CD2AP: variants seen among roughly 807,000 people sequenced by gnomAD.
CD2AP encodes CD2-associated protein.
Under a neutral mutation model 85.1 loss-of-function variants are expected in CD2AP, and 46 were observed. The ratio of observed to expected loss-of-function variants is 0.54; its 90% CI spans 0.43 to 0.69. CD2AP has a LOEUF of 0.69. Ranked by LOEUF, CD2AP falls within the 30% of genes least tolerant of loss-of-function variation. The probability of loss-of-function intolerance (pLI) is 0.00; values close to 1 mark genes in which losing one functional copy is unlikely to be tolerated. For missense variants in CD2AP, 769 were observed against 729.5 expected, an observed-to-expected ratio of 1.05 and a Z score of -0.62; for synonymous variants, 255 against 252.9, an observed-to-expected ratio of 1.01 and a Z score of -0.08.
intron 5 of CD2AP, among the ~76,000 whole-genome samples, chr6:47,565,401 T>C (rs1387492713): frequency 6.6e-6 from 1 of 152,184 alleles, no homozygotes; most frequent in East Asian, 1.9e-4. Flanking sequence ...TTCCACTTAT[T>C]TGCTAAATAG....
rs1320473677 is a variant in CD2AP at position 47,543,728 on chromosome 6, TACC to T, written c.320-874_320-872del. On this transcript the variant is annotated intron_variant, in intron 3 of 17. Transcript: ENST00000359314. ...CCTTAGGACCTCATTTAACCCTATT[TACC>T]ACCCCCACAAAGGCACTATTGCCAG... Among the ~76,000 whole-genome samples the T allele has an allele frequency of 2.6e-5, 4 of 152,350 alleles. No homozygotes were observed. The East Asian group carries it at 7.7e-4, about 29-fold the overall frequency.
At chr6:47,491,116 A>G (rs1765719309) in intron 1 of CD2AP, among the ~76,000 whole-genome samples, 5 of 152,096 alleles carry the variant, frequency 3.3e-5, no homozygotes, top group African/African-American at 9.7e-5. Flanking sequence ...AAGCAATGCT[A>G]ATCAGTTTTG....
intron 14 of CD2AP, 22 bp downstream of exon 14, chr6:47,606,299 A>T: frequency 7.8e-7 from 1 of 1,283,514 alleles, no homozygotes; most frequent in Non-Finnish European, 1.1e-6. Flanking sequence ...TAATTGTCGT[A>T]AACTACAGTA....
chr6:47,612,164 C>T (rs188412428), intron 16 of CD2AP, among the ~76,000 whole-genome samples: 57 of 152,146 alleles, frequency 3.7e-4, no homozygotes, highest in Admixed American at 2.0e-3. Flanking sequence ...GTTTTCCAAC[C>T]TGGAAAATGT....
intron 6 of CD2AP, among the ~76,000 whole-genome samples, chr6:47,575,337 T>C (rs78398742): frequency 0.016 from 2,379 of 151,894 alleles, 42 homozygotes; most frequent in African/African-American, 0.038. Context: ...CTTCTAACTC[T>C]AAAGCTTAGG....
chr6:47,548,603 A>T (rs953183636), intron 4 of CD2AP, among the ~76,000 whole-genome samples: 1 of 152,190 alleles, frequency 6.6e-6, no homozygotes, highest in Non-Finnish European at 1.5e-5. Context: ...GACCAGACGA[A>T]TTCACACCAG....
intron 1 of CD2AP, among the ~76,000 whole-genome samples, chr6:47,487,270 A>G (rs999396437): frequency 3.3e-5 from 5 of 152,218 alleles, no homozygotes; most frequent in South Asian, 4.1e-4. Context: ...AATGGAAATA[A>G]AAGGCTGTGT....
chr6:47,599,283 GT>G lies in CD2AP; in HGVS notation c.1275-11del, dbSNP rs569215676. ...TGTTTCATACTAGTGATTTTTGCGTGTTTTTTTCTTATTTCAGGATTAATGG... is the reference window on the plus strand; with the variant it reads ...TGTTTCATACTAGTGATTTTTGCGTGTTTTTTCTTATTTCAGGATTAATGG... On this transcript the variant is annotated splice_polypyrimidine_tract_variant and intron_variant, in intron 12 of 17. Transcript: ENST00000359314. The G allele has an allele frequency of 6.8e-6, 11 of 1,608,532 alleles. No homozygotes were observed. Among genetic ancestry groups the G allele is most frequent in the Non-Finnish European group, 8.5e-6 (10 of 1,176,204 alleles).
At chr6:47,537,872 C>T (rs576479588) in intron 3 of CD2AP, among the ~76,000 whole-genome samples, 1 of 151,814 alleles carries the variant, frequency 6.6e-6, no homozygotes, top group Admixed American at 6.6e-5. Context: ...GCCTCAGCCT[C>T]CCCAGTAGCT....
intron 11 of CD2AP, among the ~76,000 whole-genome samples, chr6:47,589,581 T>TATATATATA (rs1562046500): frequency 2.0e-5 from 3 of 148,560 alleles, no homozygotes; most frequent in African/African-American, 4.9e-5. Context: ...TATATATATA[T>TATATATATA]TTGTCAGAGT....
chr6:47,610,639 A>G (rs991544934), intron 16 of CD2AP, among the ~76,000 whole-genome samples: 33 of 151,910 alleles, frequency 2.2e-4, no homozygotes, highest in African/African-American at 5.8e-4. Context: ...TTGAATGACT[A>G]CTTAAAAATA....
intron 1 of CD2AP, 97 bp from the exon 2 acceptor site, chr6:47,503,180 ATTG>A (rs900756601): frequency 4.4e-6 from 5 of 1,137,100 alleles, no homozygotes; most frequent in Non-Finnish European, 6.5e-6. Context: ...GGTATTAAAT[ATTG>A]TTGCTAAACA....
Position 47,521,845 on chromosome 6 carries a change from G to A in CD2AP, c.166-11757G>A, listed in dbSNP as rs112542015. Among the ~76,000 whole-genome samples, 6 of 151,548 alleles carry A rather than the reference G, an allele frequency of 4.0e-5. 1 individual carries two copies. The highest frequency in any genetic ancestry group is 5.9e-5 in the Non-Finnish European group (4 of 67,914). On this transcript the variant is annotated intron_variant, in intron 2 of 17. Coordinates refer to ENST00000359314, the MANE Select transcript of CD2AP (RefSeq NM_012120.3). ...AGCCTGACCAACGTGGAGAAATCCC[G>A]TCTCTACTAAAAATACAAAATTAGC...
intron 2 of CD2AP, 137 bp from the exon 3 acceptor site, chr6:47,533,465 C>A: frequency 2.5e-6 from 2 of 805,888 alleles, no homozygotes; most frequent in Non-Finnish European, 3.9e-6. Context: ...TATGTTTGAG[C>A]AGAGCAAAGG....
At chr6:47,485,535 T>G (rs189647158) in intron 1 of CD2AP, among the ~76,000 whole-genome samples, 209 of 152,066 alleles carry the variant, frequency 1.4e-3, no homozygotes, top group African/African-American at 4.7e-3. Context: ...TAAAAAGTTA[T>G]AGTAAGCTAA....
chr6:47,527,404 G>A (rs1462921171), intron 2 of CD2AP, among the ~76,000 whole-genome samples: 1 of 152,226 alleles, frequency 6.6e-6, no homozygotes, highest in Admixed American at 6.5e-5. Context: ...TCCAATAGGA[G>A]CAAAGAGGCA....
At chr6:47,570,136 G>A (rs996086240) in intron 5 of CD2AP, among the ~76,000 whole-genome samples, 2 of 143,754 alleles carry the variant, frequency 1.4e-5, no homozygotes, top group Non-Finnish European at 3.1e-5. Context: ...ATTTTCATCA[G>A]ATTTCTTTTT....
At chr6:47,501,875 T>C (rs1766006630) in intron 1 of CD2AP, among the ~76,000 whole-genome samples, 1 of 152,230 alleles carries the variant, frequency 6.6e-6, no homozygotes, top group Admixed American at 6.5e-5. Flanking sequence ...ATATTAATCT[T>C]CATTTTAGAG....
chr6:47,576,593 A>G lies in CD2AP; in HGVS notation c.799A>G (p.Lys267Glu), dbSNP rs773889150. 1.7e-5 allele frequency: 27 copies of G among 1,606,294 alleles called. 1 individual carries two copies. The South Asian group carries it at 3.0e-4, about 18-fold the overall frequency. Residue 267 changes from lysine (K) to glutamate (E), a missense_variant, in exon 7 of 18, where the codon AAA becomes GAA. By Grantham distance (56) the Lys-to-Glu change is moderately conservative. Coordinates refer to ENST00000359314, the MANE Select transcript of CD2AP (RefSeq NM_012120.3). ...GATAACAAAAACAGATACCGAAGGTAAAATTAAAGGTATGTTTTTGAATAA... is the reference window on the plus strand; with the variant it reads ...GATAACAAAAACAGATACCGAAGGTGAAATTAAAGGTATGTTTTTGAATAA... The part of the protein sequence containing the change: ...VEITKTDTEG[K>E]IKAKEYCRTL...
Sources: gnomAD v4.1 joint callset for allele counts (sites outside exome capture counted in the v4.1 genomes callset) on GRCh38, gnomAD v4.1.1 for gene constraint, MANE v1.5 for transcripts, NCBI Gene and HGNC (gene_info 2026-07-23, HGNC 2026-07-21) for gene names.